ACTA2: variants seen among roughly 807,000 people sequenced by gnomAD.
The protein encoded by ACTA2 is actin alpha 2, smooth muscle.
A neutral mutation model predicts 39.5 loss-of-function variants in ACTA2; 12 were observed. The ratio of observed to expected loss-of-function variants is 0.30; its 90% CI spans 0.19 to 0.49. The LOEUF is 0.49. Among genes scored for constraint, ACTA2 ranks in the 20% least tolerant of loss-of-function variants. The pLI is 0.99. For synonymous variants in ACTA2, 158 were observed against 180.6 expected, an observed-to-expected ratio of 0.88 and a Z score of 1.00; for missense variants, 236 against 498.8, an observed-to-expected ratio of 0.47 and a Z score of 5.02.
chr10:88,941,513 A>T, intron 5 of ACTA2, 123 bp from the exon 6 acceptor site: 1 of 1,286,272 alleles, frequency 7.8e-7, no homozygotes, highest in Non-Finnish European at 1.1e-6. Context: ...AAGAGAAAAC[A>T]GGGCATGTGA....
intron 1 of ACTA2, among the ~76,000 whole-genome samples, chr10:88,977,115 C>T (rs1021397200): frequency 4.6e-5 from 7 of 152,010 alleles, no homozygotes; most frequent in African/African-American, 1.7e-4. Context: ...TTGTAGGTTG[C>T]CTGTTCACTC....
chr10:88,990,583 G>C lies in ACTA2; in HGVS notation c.-24+356C>G, dbSNP rs777532260. 8 of 666,436 alleles carry C rather than the reference G, an allele frequency of 1.2e-5. No individual in the cohort carries two copies. Among genetic ancestry groups the C allele is most frequent in the Non-Finnish European group, 1.4e-5 (5 of 363,384 alleles). 41.3% of individuals were successfully genotyped at this position (666,436 alleles called of 1,614,324 possible). On this transcript the variant is annotated intron_variant, in intron 1 of 4. Transcript: ENST00000415557. The surrounding 1 kb of genome is among the most constrained non-coding windows in gnomAD (Gnocchi z 4.9). ...AATCAATGGAGCCCTCCCCAACCCGGGCGTTCCCCAGCGAGGCTTCCTTCC... is the reference window on the plus strand; with the variant it reads ...AATCAATGGAGCCCTCCCCAACCCGCGCGTTCCCCAGCGAGGCTTCCTTCC...
intron 1 of ACTA2, among the ~76,000 whole-genome samples, chr10:88,951,040 T>G (rs1289998134): frequency 1.3e-5 from 2 of 152,204 alleles, no homozygotes; most frequent in Non-Finnish European, 2.9e-5. Flanking sequence ...CTTGCAAGAA[T>G]GGACATGGGA....
At chr10:88,975,498 G>C (rs1048918837) in intron 1 of ACTA2, among the ~76,000 whole-genome samples, 15 of 152,092 alleles carry the variant, frequency 9.9e-5, no homozygotes, top group African/African-American at 3.6e-4. Flanking sequence ...AATACGTAAA[G>C]AATCAGGTGG....
intron 2 of ACTA2, 88 bp downstream of exon 2, chr10:88,948,714 C>A: frequency 6.3e-7 from 1 of 1,580,560 alleles, no homozygotes. Context: ...AACTTCTGGG[C>A]AGAAAGAGAT....
At chr10:88,983,009 G>T (rs758482155) in intron 1 of ACTA2, among the ~76,000 whole-genome samples, 21 of 152,196 alleles carry the variant, frequency 1.4e-4, no homozygotes, top group Non-Finnish European at 2.5e-4. Context: ...TCACATGGGA[G>T]CTGGTGAGAA....
chr10:88,990,708 G>C lies in ACTA2; in HGVS notation c.-24+231C>G, dbSNP rs1399455393. 1 of 760,650 alleles carries C rather than the reference G, an allele frequency of 1.3e-6. No individual in the cohort carries two copies. Among genetic ancestry groups the C allele is most frequent in the South Asian group, 1.4e-5 (1 of 68,976 alleles). The allele number at this position is 760,650 out of a possible 1,614,324, so 47.1% of individuals were successfully genotyped here. On this transcript the variant is annotated intron_variant, in intron 1 of 4. Coordinates refer to the ACTA2 transcript ENST00000415557. The surrounding 1 kb of genome is among the most constrained non-coding windows in gnomAD (Gnocchi z 4.9). ...GACGCTTCTGGGGAGTGAGGGAAGC[G>C]GTTTACGAGTGACTTGGCTGGAGCC... is the stretch of plus-strand genomic sequence containing the variant.
intron 8 of ACTA2, 93 bp from the exon 9 acceptor site, chr10:88,935,459 C>T: frequency 1.4e-6 from 2 of 1,448,000 alleles, no homozygotes; most frequent in South Asian, 1.1e-5. Context: ...CTACCATGGC[C>T]TAGTTTCTTG....
intron 3 of ACTA2, among the ~76,000 whole-genome samples, chr10:88,944,958 G>A (rs756123110): frequency 6.6e-6 from 1 of 152,204 alleles, no homozygotes; most frequent in Non-Finnish European, 1.5e-5. Flanking sequence ...TAGCTTTAAA[G>A]ACTATCTTAT....
chr10:88,936,635 T>C (rs1845745238), intron 8 of ACTA2, among the ~76,000 whole-genome samples: 1 of 148,326 alleles, frequency 6.7e-6, no homozygotes, highest in African/African-American at 2.5e-5. Context: ...CCTTCCACCA[T>C]GATTCGAAGC....
At chr10:88,976,630 A>T (rs1384967550) in intron 1 of ACTA2, among the ~76,000 whole-genome samples, 1 of 152,260 alleles carries the variant, frequency 6.6e-6, no homozygotes, top group East Asian at 1.9e-4. Context: ...CATAATCAGC[A>T]GCAATTCAAT....
intron 1 of ACTA2, among the ~76,000 whole-genome samples, chr10:88,965,795 A>G (rs1284744942): frequency 1.3e-5 from 2 of 152,156 alleles, no homozygotes; most frequent in Non-Finnish European, 2.9e-5. Context: ...TGTCAATTTT[A>G]TGATCCACTG....
chr10:88,948,143 T>G (rs1332692033), intron 2 of ACTA2: 2 of 157,344 alleles, frequency 1.3e-5, no homozygotes, highest in East Asian at 3.7e-4. Flanking sequence ...TCAGACAGAC[T>G]GCATTCATTG....
intron 1 of ACTA2, among the ~76,000 whole-genome samples, chr10:88,983,976 CA>C (rs142551516): frequency 0.14 from 21,992 of 151,924 alleles, 1,924 homozygotes; most frequent in East Asian, 0.42. Flanking sequence ...GTTGCCTGGA[CA>C]AAAAACTCTT....
chr10:88,954,633 ATT>A (rs1242169980), upstream of ACTA2, among the ~76,000 whole-genome samples: 7 of 152,156 alleles, frequency 4.6e-5, no homozygotes, highest in Non-Finnish European at 8.8e-5. Context: ...CACTTTTATG[ATT>A]CTTACATCAT....
rs1057518929 is a variant in ACTA2 at position 88,935,354 on chromosome 10, G to C, written c.1003C>G (p.Pro335Ala). 1 of 1,613,872 alleles carries C rather than the reference G, an allele frequency of 6.2e-7. No homozygotes were observed. Among genetic ancestry groups the C allele is most frequent in the Non-Finnish European group, 8.5e-7 (1 of 1,179,796 alleles). The change falls in exon 9 of 9, where the codon CCG becomes GCG. Residue 335 changes from proline to alanine, a missense_variant. Pro to Ala is a conservative substitution (Grantham distance 27). Coordinates refer to ENST00000224784, the MANE Select transcript of ACTA2 (RefSeq NM_001613.4). ...ATCCAGACAGAGTATTTGCGCTCCG[G>C]AGGGGCAATGATCTGTCAGTCAAGA... is the stretch of plus-strand genomic sequence containing the variant. ...STMKIKIIAP[P>A]ERKYSVWIGG...
At chr10:88,959,378 C>A (rs1846191015) in intron 1 of ACTA2, among the ~76,000 whole-genome samples, 1 of 152,100 alleles carries the variant, frequency 6.6e-6, no homozygotes, top group South Asian at 2.1e-4. Context: ...AGAATAAGAA[C>A]CTTCAGAATA....
At chr10:88,965,746 G>A (rs1700273850) in intron 1 of ACTA2, among the ~76,000 whole-genome samples, 1 of 152,186 alleles carries the variant, frequency 6.6e-6, no homozygotes, top group South Asian at 2.1e-4. Flanking sequence ...GCTGAGCAAA[G>A]AGCCCCTTAC....
intron 1 of ACTA2, chr10:88,973,346 A>C: frequency 6.7e-7 from 1 of 1,500,944 alleles, no homozygotes; most frequent in Non-Finnish European, 8.9e-7. Flanking sequence ...GAAGGTGATT[A>C]GGTAATCCAA....
Sources: gnomAD v4.1 joint callset for allele counts (sites outside exome capture counted in the v4.1 genomes callset) on GRCh38, gnomAD v4.1.1 for gene constraint, Gnocchi (gnomAD v3.1) non-coding constraint, MANE v1.5 for transcripts, NCBI Gene and HGNC (gene_info 2026-07-23, HGNC 2026-07-21) for gene names.